The following PTPRT variants were observed in gnomAD, a reference collection of about 807,000 sequenced individuals.
PTPRT encodes the protein receptor-type tyrosine-protein phosphatase T.
Under a neutral mutation model 176.8 loss-of-function variants are expected in PTPRT, and 56 were observed. The observed-to-expected ratio is 0.32, with a 90% CI of 0.26 to 0.40. PTPRT has a LOEUF of 0.40. Ranked by LOEUF, PTPRT falls within the 10% of genes least tolerant of loss-of-function variation. The pLI, the probability that PTPRT is intolerant of heterozygous loss-of-function variation, is 1.00. For missense variants in PTPRT, 1,540 were observed against 1,908.2 expected (o/e 0.81, Z 3.60); for synonymous variants, 783 against 739.0 (o/e 1.06, Z -0.96).
chr20:42,044,922 C>G, the PTPRT span, among the ~76,000 whole-genome samples: 1 of 152,204 alleles, frequency 6.6e-6, no homozygotes, highest in Non-Finnish European at 1.5e-5. Flanking sequence ...CTTTTTCCCA[C>G]TTCTAAAGGC....
intron 27 of PTPRT, among the ~76,000 whole-genome samples, chr20:42,086,642 T>C (rs1181183628): frequency 1.4e-5 from 2 of 144,462 alleles, no homozygotes; most frequent in Non-Finnish European, 3.0e-5. Context: ...GTAAAAAATA[T>C]AGGGGTTTCG....
intron 1 of PTPRT, among the ~76,000 whole-genome samples, chr20:42,982,512 G>T (rs531080831): frequency 6.6e-6 from 1 of 152,130 alleles, no homozygotes. Context: ...AGATCTAAGC[G>T]TATAAAAAAA....
chr20:42,753,637 G>A (rs1600700293), intron 6 of PTPRT, among the ~76,000 whole-genome samples: 1 of 152,100 alleles, frequency 6.6e-6, no homozygotes, highest in African/African-American at 2.4e-5. Flanking sequence ...TGGTAGCTGC[G>A]GAGTCATATT....
chr20:42,807,578 C>G (rs2077629824), intron 2 of PTPRT, among the ~76,000 whole-genome samples: 1 of 152,112 alleles, frequency 6.6e-6, no homozygotes, highest in Non-Finnish European at 1.5e-5. Flanking sequence ...ACCACCTACA[C>G]CAAGGGTTAA....
chr20:43,184,665 G>A (rs1425064637), intron 1 of PTPRT, among the ~76,000 whole-genome samples: 2 of 151,614 alleles, frequency 1.3e-5, no homozygotes, highest in African/African-American at 2.4e-5. Flanking sequence ...CCAGCCCGGC[G>A]ACAGAGCAGT....
intron 7 of PTPRT, among the ~76,000 whole-genome samples, chr20:42,483,736 A>C (rs964267680): frequency 1.3e-5 from 2 of 152,234 alleles, no homozygotes; most frequent in African/African-American, 4.8e-5. Flanking sequence ...CAGTAAGCAC[A>C]AAAACTGCAG....
chr20:42,208,922 A>G (rs4331574), intron 15 of PTPRT, among the ~76,000 whole-genome samples: 86,057 of 152,038 alleles, frequency 0.57, 24,598 homozygotes, highest in Non-Finnish European at 0.58. Flanking sequence ...AATGTAAAAG[A>G]ACACAGAAAT....
chr20:43,121,726 T>C (rs1020545378), intron 1 of PTPRT, among the ~76,000 whole-genome samples: 1 of 152,134 alleles, frequency 6.6e-6, no homozygotes, highest in African/African-American at 2.4e-5. Flanking sequence ...AAATAAAAAA[T>C]AATAGGTGTT....
intron 3 of PTPRT, among the ~76,000 whole-genome samples, chr20:42,788,881 A>T (rs1359767636): frequency 6.6e-6 from 1 of 152,196 alleles, no homozygotes; most frequent in African/African-American, 2.4e-5. Context: ...TACTAGGGGA[A>T]ATTGTGGAGC....
chr20:42,366,983 G>A (rs1421943228), intron 9 of PTPRT, among the ~76,000 whole-genome samples: 3 of 152,272 alleles, frequency 2.0e-5, no homozygotes, highest in South Asian at 2.1e-4. Flanking sequence ...CTTGGATTGT[G>A]TTTCTTTATA....
chr20:42,525,482 C>T (rs2072252355), intron 7 of PTPRT, among the ~76,000 whole-genome samples: 1 of 152,174 alleles, frequency 6.6e-6, no homozygotes, highest in Non-Finnish European at 1.5e-5. Flanking sequence ...ACTTACAACT[C>T]TATTCTCAGC....
chr20:43,102,540 T>C (rs2012437603), intron 1 of PTPRT, among the ~76,000 whole-genome samples: 1 of 152,150 alleles, frequency 6.6e-6, no homozygotes, highest in Non-Finnish European at 1.5e-5. Context: ...CCCACCTCCC[T>C]TTGGTGCTCC....
intron 15 of PTPRT, among the ~76,000 whole-genome samples, chr20:42,199,772 A>T (rs972389003): frequency 1.3e-5 from 2 of 152,126 alleles, no homozygotes; most frequent in Non-Finnish European, 2.9e-5. Context: ...ATGAGATTAA[A>T]AATGGAGGCT....
intron 7 of PTPRT, among the ~76,000 whole-genome samples, chr20:42,519,753 ATTCT>A (rs1249457311): frequency 1.3e-5 from 2 of 152,026 alleles, no homozygotes; most frequent in African/African-American, 4.8e-5. Context: ...CAAACATAGA[ATTCT>A]TTAATTTTTT....
chr20:42,721,057 G>A (rs1171253030), intron 6 of PTPRT, among the ~76,000 whole-genome samples: 1 of 152,162 alleles, frequency 6.6e-6, no homozygotes, highest in Admixed American at 6.5e-5. Context: ...CGAAGTGTTA[G>A]CTCTACACAG....
intron 3 of PTPRT, among the ~76,000 whole-genome samples, chr20:42,784,179 A>T (rs2077255918): frequency 6.6e-6 from 1 of 152,178 alleles, no homozygotes; most frequent in Non-Finnish European, 1.5e-5. Flanking sequence ...TCCCCACAAG[A>T]GGCTCTGAGA....
intron 1 of PTPRT, among the ~76,000 whole-genome samples, chr20:43,020,968 C>A (rs1337962518): frequency 6.6e-6 from 1 of 152,124 alleles, no homozygotes; most frequent in Non-Finnish European, 1.5e-5. Flanking sequence ...TCCATTTCAA[C>A]CCAAGCCCTG....
At chr20:42,489,412 T>C (rs746643213) in intron 7 of PTPRT, among the ~76,000 whole-genome samples, 2 of 152,044 alleles carry the variant, frequency 1.3e-5, no homozygotes, top group African/African-American at 2.4e-5. Flanking sequence ...ACCTATGTGA[T>C]CACAACACAC....
chr20:42,677,620 A>C (rs770483929), intron 7 of PTPRT, among the ~76,000 whole-genome samples: 2 of 152,138 alleles, frequency 1.3e-5, no homozygotes, highest in Non-Finnish European at 2.9e-5. Context: ...AGCTAAAGTC[A>C]GGAAGTTCTT....
Sources: allele counts gnomAD v4.1 joint callset (sites outside exome capture counted in the v4.1 genomes callset), GRCh38; gene constraint gnomAD v4.1.1; transcripts MANE v1.5; gene names NCBI Gene and HGNC (gene_info 2026-07-23, HGNC 2026-07-21).